The following SPAG16 variants were observed in gnomAD, a reference collection of about 807,000 sequenced individuals.
SPAG16 encodes sperm-associated antigen 16 protein.
SPAG16 carries 86 observed loss-of-function variants against 80.4 expected under a neutral mutation model. The ratio of observed to expected loss-of-function variants is 1.07; its 90% CI spans 0.90 to 1.28. The LOEUF (loss-of-function observed/expected upper bound fraction) is 1.28, where lower values mean the gene tolerates loss of function less well. SPAG16 is among the 50% of genes most tolerant of loss of function. The pLI, the probability that SPAG16 is intolerant of heterozygous loss-of-function variation, is 0.00. For missense variants in SPAG16, 870 were observed against 765.3 expected (o/e 1.14, Z -1.61); for synonymous variants, 294 against 265.9 (o/e 1.11, Z -1.03).
chr2:213,697,785 C>T lies in SPAG16; in HGVS notation c.1071-164700C>T, dbSNP rs978868205. Among the ~76,000 whole-genome samples, 20 of 152,250 alleles carry T rather than the reference C, an allele frequency of 1.3e-4. 2 individuals carry two copies. The highest frequency in any genetic ancestry group is 4.6e-4 in the African/African-American group (19 of 41,562). On this transcript the variant is annotated intron_variant, in intron 10 of 15. Coordinates refer to ENST00000331683, the MANE Select transcript of SPAG16 (RefSeq NM_024532.5). ...TCCTCTCTCTTCTTTCAGGCCATTT[C>T]CTGTTAGCAGGTAAACATGCTTAAG... is the stretch of plus-strand genomic sequence containing the variant.
chr2:213,524,863 A>C (rs539589627), intron 10 of SPAG16, among the ~76,000 whole-genome samples: 1 of 152,216 alleles, frequency 6.6e-6, no homozygotes, highest in African/African-American at 2.4e-5. Flanking sequence ...ATTTTGAGTT[A>C]ATGTTGGAAT....
intron 10 of SPAG16, among the ~76,000 whole-genome samples, chr2:213,677,629 T>C (rs1479877859): frequency 2.0e-5 from 3 of 151,988 alleles, no homozygotes; most frequent in Non-Finnish European, 2.9e-5. Context: ...AAGTCCTGAG[T>C]GATCTACAAA....
intron 15 of SPAG16, among the ~76,000 whole-genome samples, chr2:214,223,156 TG>T (rs35579680): frequency 0.12 from 18,345 of 152,108 alleles, 1,165 homozygotes; most frequent in East Asian, 0.18. Context: ...TGGATCTTCC[TG>T]GGGAGACTTT....
At chr2:213,508,641 A>G (rs2075076834) in intron 10 of SPAG16, among the ~76,000 whole-genome samples, 1 of 152,154 alleles carries the variant, frequency 6.6e-6, no homozygotes, top group Admixed American at 6.5e-5. Flanking sequence ...GCTGGAAACC[A>G]TCATTCACAG....
intron 10 of SPAG16, among the ~76,000 whole-genome samples, chr2:213,722,189 GT>G (rs2066561713): frequency 6.6e-6 from 1 of 152,192 alleles, no homozygotes; most frequent in African/African-American, 2.4e-5. Context: ...GATAGGAGTA[GT>G]CACAGAAGTG....
chr2:214,327,999 T>A (rs578056128), intron 15 of SPAG16, among the ~76,000 whole-genome samples: 1 of 152,260 alleles, frequency 6.6e-6, no homozygotes, highest in South Asian at 2.1e-4. Flanking sequence ...TTCTGTTTCA[T>A]CTTTGTGTAT....
At position 214,276,585 on chromosome 2, in the gene SPAG16, T is replaced by C. The variant is rs1288880457; in HGVS notation, c.1720+127319T>C. 2.6e-5 allele frequency among the ~76,000 whole-genome samples: 4 copies of C among 152,208 alleles called. No individual in the cohort carries two copies. In the East Asian group the frequency reaches 7.7e-4, roughly 29 times the overall value. ...GTTTGGCTGGATATGAAATTCTGGG[T>C]TGAAAATTCTTTTAAGAATGTTGAA... On this transcript the variant is annotated intron_variant, in intron 15 of 15. Transcript: ENST00000331683.
chr2:213,365,179 T>C (rs1015856424), intron 8 of SPAG16: 1 of 152,182 alleles, frequency 6.6e-6, no homozygotes, highest in Admixed American at 6.5e-5. Flanking sequence ...TTACCCACAT[T>C]GCCTAGTACA....
intron 10 of SPAG16, among the ~76,000 whole-genome samples, chr2:213,685,458 G>A (rs1237127246): frequency 1.3e-5 from 2 of 152,236 alleles, no homozygotes; most frequent in Non-Finnish European, 2.9e-5. Context: ...TTCAGTGGGA[G>A]CATGACTCTG....
intron 10 of SPAG16, among the ~76,000 whole-genome samples, chr2:213,510,777 T>C (rs189149461): frequency 4.4e-4 from 67 of 152,266 alleles, no homozygotes; most frequent in Non-Finnish European, 2.5e-4. Flanking sequence ...GTGAGAAACA[T>C]GTGTCATATA....
chr2:213,804,300 G>A lies in SPAG16; in HGVS notation c.1071-58185G>A, dbSNP rs547954577. Among the ~76,000 whole-genome samples, 37 of 152,270 alleles carry A rather than the reference G, an allele frequency of 2.4e-4. 1 individual carries two copies. In the South Asian group the frequency reaches 7.7e-3, roughly 32 times the overall value. On this transcript the variant is annotated intron_variant, in intron 10 of 15. Coordinates refer to ENST00000331683, the MANE Select transcript of SPAG16 (RefSeq NM_024532.5). The stretch of plus-strand genomic sequence containing the variant: ...GCCTTAGGTGATTTTAACTTGGTTG[G>A]GGAGGTAGGCAGAAGATTCTCTTAG...
At chr2:213,311,941 T>G (rs2063202901) in intron 4 of SPAG16, among the ~76,000 whole-genome samples, 1 of 151,486 alleles carries the variant, frequency 6.6e-6, no homozygotes. Flanking sequence ...GCAGTAAAAT[T>G]TGATATAGGT....
chr2:213,718,648 G>A (rs1430755953), intron 10 of SPAG16, among the ~76,000 whole-genome samples: 2 of 152,304 alleles, frequency 1.3e-5, no homozygotes, highest in East Asian at 3.9e-4. Flanking sequence ...AGTGGCTGCG[G>A]AGGGTGTACT....
chr2:213,598,706 C>G (rs901155614), intron 10 of SPAG16, among the ~76,000 whole-genome samples: 1 of 152,172 alleles, frequency 6.6e-6, no homozygotes, highest in Non-Finnish European at 1.5e-5. Flanking sequence ...TGAAATTGCA[C>G]ATATTTTCTC....
chr2:213,546,315 C>CT (rs964252278), intron 10 of SPAG16, among the ~76,000 whole-genome samples: 76 of 151,886 alleles, frequency 5.0e-4, no homozygotes, highest in Middle Eastern at 3.4e-3. Context: ...ACAGGTGCCC[C>CT]TTTTTTTTAG....
chr2:213,359,609 C>T (rs2065864324), intron 7 of SPAG16, among the ~76,000 whole-genome samples: 3 of 152,324 alleles, frequency 2.0e-5, no homozygotes, highest in African/African-American at 7.2e-5. Context: ...TCCTGGTCTG[C>T]CAGTTGCTAA....
At chr2:213,366,644 C>T (rs911242925) in intron 8 of SPAG16, among the ~76,000 whole-genome samples, 2 of 152,126 alleles carry the variant, frequency 1.3e-5, no homozygotes, top group African/African-American at 4.8e-5. Context: ...ATACCTCCCA[C>T]CTGGTCCCTC....
intron 10 of SPAG16, among the ~76,000 whole-genome samples, chr2:213,661,898 T>G (rs7601835): frequency 0.05 from 7,591 of 152,216 alleles, 610 homozygotes; most frequent in African/African-American, 0.17. Context: ...TCTATAGAAG[T>G]ATATATACCA....
chr2:214,018,996 G>T (rs1265946772), intron 13 of SPAG16, among the ~76,000 whole-genome samples: 1 of 152,084 alleles, frequency 6.6e-6, no homozygotes, highest in Non-Finnish European at 1.5e-5. Flanking sequence ...CCAAATGGAG[G>T]CTACAAAATA....
Sources: gnomAD v4.1 joint callset for allele counts (sites outside exome capture counted in the v4.1 genomes callset) on GRCh38, gnomAD v4.1.1 for gene constraint, MANE v1.5 for transcripts, NCBI Gene and HGNC (gene_info 2026-07-23, HGNC 2026-07-21) for gene names.